The following FAM135B variants were observed in gnomAD, a reference collection of about 807,000 sequenced individuals.
FAM135B encodes family with sequence similarity 135 member B.
In FAM135B, 43 loss-of-function variants were observed where a neutral mutation model predicts 127.7. The ratio of observed to expected loss-of-function variants is 0.34; its 90% CI spans 0.26 to 0.43. The LOEUF is 0.43. Ranked by LOEUF, FAM135B falls within the 20% of genes least tolerant of loss-of-function variation. FAM135B has a pLI of 1.00. For synonymous variants in FAM135B, 670 were observed against 665.1 expected, an observed-to-expected ratio of 1.01 and a Z score of -0.11; for missense variants, 1,558 against 1,725.6, an observed-to-expected ratio of 0.90 and a Z score of 1.72.
chr8:138,189,367 C>A lies in FAM135B; in HGVS notation c.873+5891G>T, dbSNP rs542230616. Among the ~76,000 whole-genome samples, 7 of 152,316 alleles carry A rather than the reference C, an allele frequency of 4.6e-5. No individual in the cohort carries two copies. In the South Asian group the frequency reaches 1.5e-3, roughly 32 times the overall value. ...TTCAATTCATTCACCATCCTTCAAT[C>A]ACTTCAACCTCATTTTTCCTGGATG... On this transcript the variant is annotated intron_variant, in intron 9 of 19. Coordinates refer to ENST00000395297, the MANE Select transcript of FAM135B (RefSeq NM_015912.4).
intron 1 of FAM135B, among the ~76,000 whole-genome samples, chr8:138,426,287 C>A (rs1243782857): frequency 6.6e-6 from 1 of 151,020 alleles, no homozygotes; most frequent in Admixed American, 6.6e-5. Context: ...TTCATATTGA[C>A]CAGAATGGCT....
intron 1 of FAM135B, among the ~76,000 whole-genome samples, chr8:138,482,887 GT>G (rs2131683058): frequency 6.6e-6 from 1 of 152,140 alleles, no homozygotes; most frequent in African/African-American, 2.4e-5. Context: ...AGAAAAAAAT[GT>G]TGTTAAACTA....
At chr8:138,281,541 T>C (rs1371697955) in intron 3 of FAM135B, among the ~76,000 whole-genome samples, 3 of 152,150 alleles carry the variant, frequency 2.0e-5, no homozygotes, top group African/African-American at 7.2e-5. Context: ...TTAGTCCACA[T>C]TATACTTGGA....
At chr8:138,296,672 T>C (rs1432948762) in intron 3 of FAM135B, among the ~76,000 whole-genome samples, 2 of 152,190 alleles carry the variant, frequency 1.3e-5, no homozygotes, top group African/African-American at 4.8e-5. Context: ...AGATAGAGTA[T>C]ATCTAACATC....
intron 5 of FAM135B, among the ~76,000 whole-genome samples, chr8:138,255,688 T>C (rs1822029447): frequency 6.6e-6 from 1 of 152,196 alleles, no homozygotes; most frequent in Admixed American, 6.5e-5. Context: ...CACCCAGCTA[T>C]TGTGAGGCAT....
intron 10 of FAM135B, 142 bp downstream of exon 10, chr8:138,178,393 G>C: frequency 2.3e-6 from 2 of 887,324 alleles, no homozygotes; most frequent in Non-Finnish European, 1.7e-6. Flanking sequence ...AGTTCACAAC[G>C]CCACCCTGCA....
chr8:138,395,718 G>A (rs181964180), intron 1 of FAM135B, among the ~76,000 whole-genome samples: 69 of 152,264 alleles, frequency 4.5e-4, no homozygotes, highest in African/African-American at 1.6e-3. Context: ...TACTTTGGGG[G>A]CAGAAAGCAG....
intron 1 of FAM135B, among the ~76,000 whole-genome samples, chr8:138,472,269 G>A (rs894507165): frequency 6.6e-6 from 1 of 152,054 alleles, no homozygotes; most frequent in African/African-American, 2.4e-5. Context: ...TAGAGGAAGA[G>A]GTTGACCATT....
At chr8:138,463,352 A>T (rs1837229095) in intron 1 of FAM135B, among the ~76,000 whole-genome samples, 1 of 152,192 alleles carries the variant, frequency 6.6e-6, no homozygotes, top group South Asian at 2.1e-4. Flanking sequence ...GAGTTAGAAA[A>T]GGGAGAGACC....
chr8:138,232,920 T>A (rs1820009318), intron 7 of FAM135B, among the ~76,000 whole-genome samples: 2 of 152,174 alleles, frequency 1.3e-5, no homozygotes, highest in African/African-American at 4.8e-5. Flanking sequence ...ACTAAAATTT[T>A]ACACCCATTG....
chr8:138,438,645 T>A (rs1439766065), intron 1 of FAM135B: 1 of 152,016 alleles, frequency 6.6e-6, no homozygotes, highest in African/African-American at 2.4e-5. Context: ...AAGAGAGGGA[T>A]CAGAGGATGG....
chr8:138,425,829 A>C (rs903117402), intron 1 of FAM135B, among the ~76,000 whole-genome samples: 2 of 151,728 alleles, frequency 1.3e-5, no homozygotes, highest in Non-Finnish European at 2.9e-5. Context: ...ACACCAGCAA[A>C]AAGTTCACAG....
At chr8:138,430,816 C>T (rs777972524) in intron 1 of FAM135B, among the ~76,000 whole-genome samples, 7 of 152,106 alleles carry the variant, frequency 4.6e-5, no homozygotes, top group Non-Finnish European at 7.4e-5. Context: ...ATAATAATTA[C>T]GAAACTGTTC....
At chr8:138,302,585 G>A (rs1167107790) in intron 3 of FAM135B, among the ~76,000 whole-genome samples, 1 of 145,952 alleles carries the variant, frequency 6.9e-6, no homozygotes, top group Non-Finnish European at 1.5e-5. Flanking sequence ...TTCTCATTTT[G>A]AGCAGATGAA....
intron 1 of FAM135B, among the ~76,000 whole-genome samples, chr8:138,452,108 T>G (rs1836518996): frequency 6.6e-6 from 1 of 151,308 alleles, no homozygotes; most frequent in South Asian, 2.1e-4. Context: ...ATTTCCTATT[T>G]CATCCACCCA....
chr8:138,386,132 C>T (rs1832196246), intron 1 of FAM135B, among the ~76,000 whole-genome samples: 3 of 151,786 alleles, frequency 2.0e-5, no homozygotes. Context: ...AGAAGAATCA[C>T]TTGAACCTGG....
chr8:138,220,107 C>T lies in FAM135B; in HGVS notation c.670-22438G>A, dbSNP rs192148196. Among the ~76,000 whole-genome samples the T allele has an allele frequency of 5.2e-5, 7 of 133,542 alleles. No homozygotes were observed. The East Asian group carries it at 1.1e-3, about 20-fold the overall frequency. 87.6% of individuals were successfully genotyped at this position (133,542 alleles called of 152,430 possible). On this transcript the variant is annotated intron_variant, in intron 7 of 19. Transcript: ENST00000395297. ...CACACACACGTGCTCATGTGCAGAA[C>T]TTAACAAAGCAGAGAGCAGAGCATA...
chr8:138,219,018 T>TTA (rs1818811964), intron 7 of FAM135B, among the ~76,000 whole-genome samples: 1 of 152,226 alleles, frequency 6.6e-6, no homozygotes, highest in South Asian at 2.1e-4. Flanking sequence ...AAATATCATG[T>TTA]GCCTACTTAC....
chr8:138,228,465 C>A (rs1244374330), intron 7 of FAM135B, among the ~76,000 whole-genome samples: 1 of 152,074 alleles, frequency 6.6e-6, no homozygotes, highest in African/African-American at 2.4e-5. Flanking sequence ...TACTGAGCTG[C>A]TAAGAAGTGC....
Sources: allele counts gnomAD v4.1 joint callset (sites outside exome capture counted in the v4.1 genomes callset), GRCh38; gene constraint gnomAD v4.1.1; transcripts MANE v1.5; gene names NCBI Gene and HGNC (gene_info 2026-07-23, HGNC 2026-07-21).